Variants in OCA2 observed in about 807,000 individuals in gnomAD.
OCA2 encodes the protein P protein.
OCA2 carries 77 observed loss-of-function variants against 100.2 expected under a neutral mutation model. The observed-to-expected ratio is 0.77, with a 90% CI of 0.64 to 0.93. OCA2 has a LOEUF of 0.93. OCA2 is among the 40% of genes least tolerant of loss of function. The probability of loss-of-function intolerance (pLI) is 0.00; values close to 1 mark genes in which losing one functional copy is unlikely to be tolerated. For synonymous variants in OCA2, 432 were observed against 439.2 expected (o/e 0.98, Z 0.21); for missense variants, 1,062 against 1,089.1 (o/e 0.98, Z 0.35).
At chr15:28,006,681 G>A (rs2042100428) in intron 9 of OCA2, among the ~76,000 whole-genome samples, 1 of 152,190 alleles carries the variant, frequency 6.6e-6, no homozygotes, top group Admixed American at 6.5e-5. Context: ...CAAGGTAATG[G>A]AGCAAGTTTG....
chr15:27,956,044 G>T (rs563858717), intron 16 of OCA2, among the ~76,000 whole-genome samples: 1 of 152,238 alleles, frequency 6.6e-6, no homozygotes, highest in South Asian at 2.1e-4. Flanking sequence ...TTTTTAAAAA[G>T]AAAATGTAAA....
intron 2 of OCA2, among the ~76,000 whole-genome samples, chr15:28,080,660 T>C (rs189625079): frequency 6.6e-6 from 1 of 152,316 alleles, no homozygotes; most frequent in East Asian, 1.9e-4. Flanking sequence ...CTGTGGTGCT[T>C]TGTTAAAGGC....
chr15:27,784,892 A>C, intron 23 of OCA2, among the ~76,000 whole-genome samples: 1 of 130,210 alleles, frequency 7.7e-6, no homozygotes, highest in East Asian at 2.9e-4. Flanking sequence ...AAAGAGAGAG[A>C]CAGAGAGAGA....
intron 19 of OCA2, among the ~76,000 whole-genome samples, chr15:27,889,494 C>T (rs528060021): frequency 6.0e-4 from 92 of 152,288 alleles, no homozygotes; most frequent in Non-Finnish European, 1.0e-3. Context: ...CAGAGGCAGC[C>T]GGGCAGGTGC....
At chr15:27,756,179 C>G (rs2030352577) in intron 23 of OCA2, among the ~76,000 whole-genome samples, 1 of 152,246 alleles carries the variant, frequency 6.6e-6, no homozygotes, top group South Asian at 2.1e-4. Context: ...AGCCATTGCT[C>G]AGTGCTGCCT....
At chr15:27,940,286 T>C (rs1343432999) in intron 18 of OCA2, among the ~76,000 whole-genome samples, 2 of 152,144 alleles carry the variant, frequency 1.3e-5, no homozygotes, top group Non-Finnish European at 2.9e-5. Flanking sequence ...TAGTAGCTTG[T>C]CAGAGCTCCC....
In OCA2 at chr15:27,801,466, C is replaced by T. The variant is rs188396437; in HGVS notation, c.2432+43493G>A. 1.1e-3 allele frequency among the ~76,000 whole-genome samples: 160 copies of T among 141,934 alleles called. 4 individuals are homozygous for T. The highest frequency in any genetic ancestry group is 9.5e-3 in the Admixed American group (128 of 13,408). 93.1% of individuals were successfully genotyped at this position (141,934 alleles called of 152,430 possible). A position where few individuals can be genotyped will look rare whatever the true frequency, so the allele number is the denominator to read the frequency against. ...ACTTGGGAGGCTGAGGCAGGAGATT[C>T]GCTTGAAGCCAGGAGGCGGAGGTTA... On this transcript the variant is annotated intron_variant, in intron 23 of 23. Transcript: ENST00000354638.
chr15:28,040,599 T>C (rs2043174132), intron 2 of OCA2, among the ~76,000 whole-genome samples: 1 of 152,144 alleles, frequency 6.6e-6, no homozygotes, highest in Non-Finnish European at 1.5e-5. Context: ...GATCTTTAGC[T>C]AGACTGACTA....
In OCA2 at chr15:27,985,079, G is replaced by A. The variant is rs772019064; in HGVS notation, c.1349C>T (p.Thr450Met). Reference protein sequence around the residue: ...LDNVTTMLLFTPVTIRLCEVL... With the variant: ...LDNVTTMLLFMPVTIRLCEVL... ...CTTTGCGTACCTTATGGTCACAGGC[G>A]TGAAGAGGAGCATGGTGGTGACGTT... Residue 450 changes from threonine (T) to methionine (M), a missense_variant, in exon 13 of 24, where the codon ACG (threonine) becomes ATG (methionine). Transcript: ENST00000354638. 20 of 1,613,808 alleles carry A rather than the reference G, an allele frequency of 1.2e-5. No individual in the cohort carries two copies. The highest frequency in any genetic ancestry group is 1.2e-4 in the African/African-American group (9 of 74,924).
chr15:27,873,975 T>C (rs1391680278), intron 19 of OCA2, among the ~76,000 whole-genome samples: 3 of 152,222 alleles, frequency 2.0e-5, no homozygotes, highest in African/African-American at 7.2e-5. Flanking sequence ...GAAAAGATGA[T>C]TGTGTGGTAT....
chr15:27,812,790 G>A (rs1173515496), intron 23 of OCA2, among the ~76,000 whole-genome samples: 5 of 152,154 alleles, frequency 3.3e-5, no homozygotes, highest in African/African-American at 1.2e-4. Context: ...AACAGGATCT[G>A]TCTCTTACTG....
At chr15:27,771,387 A>G (rs1328076423) in intron 23 of OCA2, among the ~76,000 whole-genome samples, 1 of 32,880 alleles carries the variant, frequency 3.0e-5, no homozygotes, top group Non-Finnish European at 7.6e-5. Context: ...AGAGAAGCCT[A>G]AAAAAAAAAA....
chr15:27,737,119 T>G, the OCA2 span, among the ~76,000 whole-genome samples: 1 of 152,166 alleles, frequency 6.6e-6, no homozygotes, highest in South Asian at 2.1e-4. Context: ...GAACATCAAG[T>G]TATTAGGAAT....
At chr15:27,794,743 G>A (rs772073827) in intron 23 of OCA2, among the ~76,000 whole-genome samples, 1 of 152,042 alleles carries the variant, frequency 6.6e-6, no homozygotes, top group Non-Finnish European at 1.5e-5. Context: ...TGCTGTTCAG[G>A]TGCATTCTCG....
At chr15:28,018,607 T>A (rs1421921835) in intron 6 of OCA2, 50 bp from the exon 7 acceptor site, 2 of 1,571,890 alleles carry the variant, frequency 1.3e-6, no homozygotes, top group African/African-American at 1.4e-5. Flanking sequence ...AAACCCCATG[T>A]CCCCGCCGCC....
intron 1 of OCA2, among the ~76,000 whole-genome samples, chr15:28,096,955 G>A (rs1416573887): frequency 2.0e-5 from 3 of 152,094 alleles, no homozygotes; most frequent in African/African-American, 7.2e-5. Flanking sequence ...CCCAGCCCGG[G>A]GCCAGGACCC....
intron 6 of OCA2, among the ~76,000 whole-genome samples, chr15:28,019,221 A>G (rs1437721618): frequency 6.6e-6 from 1 of 151,900 alleles, no homozygotes; most frequent in East Asian, 1.9e-4. Flanking sequence ...AGGGATGGGG[A>G]AAGAGGGAGG....
rs144258693 is a variant in OCA2, at chr15:27,934,117, AT to A, written c.1952-7864del. Among the ~76,000 whole-genome samples the A allele has an allele frequency of 7.4e-3, 1,119 of 152,084 alleles. 12 individuals carry two copies. The highest frequency in any genetic ancestry group is 0.021 in the East Asian group (110 of 5,188). On this transcript the variant is annotated intron_variant, in intron 18 of 23. Transcript: ENST00000354638. The stretch of plus-strand genomic sequence containing the variant: ...ACAAGCCTTGCCATTTTAACCATAT[AT>A]TTTTTTAAGCATATGATATATTATT...
chr15:27,878,103 T>C (rs1595562825), intron 19 of OCA2, among the ~76,000 whole-genome samples: 1 of 151,996 alleles, frequency 6.6e-6, no homozygotes, highest in South Asian at 2.1e-4. Context: ...AAGTGAAATA[T>C]ACAAGCCTTG....
Sources: allele counts gnomAD v4.1 joint callset (sites outside exome capture counted in the v4.1 genomes callset), GRCh38; gene constraint gnomAD v4.1.1; transcripts MANE v1.5; gene names NCBI Gene and HGNC (gene_info 2026-07-23, HGNC 2026-07-21).